The following FBXO36 variants were observed in gnomAD, a reference collection of about 807,000 sequenced individuals.
FBXO36 encodes the protein F-box protein 36.
A neutral mutation model predicts 17.0 loss-of-function variants in FBXO36; 18 were observed. That is an observed-to-expected ratio of 1.06 (90% CI 0.73 to 1.57). FBXO36 has a LOEUF of 1.57. FBXO36 is among the 40% of genes most tolerant of loss of function. The probability of loss-of-function intolerance (pLI) is 0.00; values close to 1 mark genes in which losing one functional copy is unlikely to be tolerated. For synonymous variants in FBXO36, 83 were observed against 85.3 expected, an observed-to-expected ratio of 0.97 and a Z score of 0.15; for missense variants, 229 against 221.9, an observed-to-expected ratio of 1.03 and a Z score of -0.20.
chr2:230,010,683 T>C lies in FBXO36; in HGVS notation c.379-13T>C. 1 of 1,591,372 alleles carries C rather than the reference T, an allele frequency of 6.3e-7. No individual in the cohort carries two copies. The highest frequency in any genetic ancestry group is 8.6e-7 in the Non-Finnish European group (1 of 1,164,100). On this transcript the variant is annotated splice_polypyrimidine_tract_variant and intron_variant, in intron 3 of 3. Coordinates refer to ENST00000283946, the MANE Select transcript of FBXO36 (RefSeq NM_174899.5). ...GTGTGCTGTAACCCACCTCTGACTT[T>C]TCCCACCCACAGCTGTGCATGTCTG... is the stretch of plus-strand genomic sequence containing the variant.
chr2:229,977,102 G>A (rs1446493737), intron 2 of FBXO36: 1 of 151,932 alleles, frequency 6.6e-6, no homozygotes, highest in African/African-American at 2.4e-5. Context: ...TTTCTGACTG[G>A]GTAAAGAGAA....
chr2:229,942,020 G>GA (rs61356327), intron 1 of FBXO36, among the ~76,000 whole-genome samples: 37 of 144,900 alleles, frequency 2.6e-4, no homozygotes, highest in Admixed American at 3.4e-4. Flanking sequence ...AGTCTAAAAA[G>GA]AAAAAAAAAA....
At chr2:229,972,168 A>G (rs953605859) in intron 1 of FBXO36, among the ~76,000 whole-genome samples, 1 of 149,422 alleles carries the variant, frequency 6.7e-6, no homozygotes, top group African/African-American at 2.5e-5. Flanking sequence ...TAATTTTTGT[A>G]TTTTTAGTAG....
At chr2:229,943,795 TTG>T in intron 1 of FBXO36, among the ~76,000 whole-genome samples, 1 of 152,256 alleles carries the variant, frequency 6.6e-6, no homozygotes, top group East Asian at 1.9e-4. Context: ...CAGTGTCTGT[TTG>T]CTGAATGAGA....
chr2:229,936,379 C>G (rs1293833775), intron 1 of FBXO36, among the ~76,000 whole-genome samples: 1 of 152,038 alleles, frequency 6.6e-6, no homozygotes, highest in Non-Finnish European at 1.5e-5. Context: ...CCAGCAGTTT[C>G]CAAACTTTTT....
At chr2:229,995,592 C>CTTTTTTTTTTTTTTTTTTTTTTTTTTTT (rs748422157) in intron 2 of FBXO36, among the ~76,000 whole-genome samples, 3 of 114,552 alleles carry the variant, frequency 2.6e-5, no homozygotes, top group Non-Finnish European at 3.6e-5. Flanking sequence ...CTCTTTCTTT[C>CTTTTTTTTTTTTTTTTTTTTTTTTTTTT]TTTCTTTTTT....
chr2:230,000,355 C>CAAA lies in FBXO36; in HGVS notation c.378+3453_378+3455dup, dbSNP rs3086348. 4.8e-3 allele frequency among the ~76,000 whole-genome samples: 363 copies of CAAA among 76,322 alleles called. 1 individual carries two copies. Among genetic ancestry groups the CAAA allele is most frequent in the Middle Eastern group, 6.9e-3 (1 of 144 alleles). The allele number at this position is 76,322 out of a possible 152,430, so 50.1% of individuals were successfully genotyped here. The stretch of plus-strand genomic sequence containing the variant: ...CCTGGACAACAGAGTGAGACTGTCT[C>CAAA]AAAAAAAAAAAAAAAAAAAAAAAGA... On this transcript the variant is annotated intron_variant, in intron 3 of 3. Transcript: ENST00000283946.
intron 1 of FBXO36, among the ~76,000 whole-genome samples, chr2:229,934,767 G>A (rs570179694): frequency 6.6e-6 from 1 of 152,204 alleles, no homozygotes; most frequent in South Asian, 2.1e-4. Context: ...TGATTCTCGT[G>A]CCTCAGTCTC....
intron 2 of FBXO36, among the ~76,000 whole-genome samples, chr2:229,992,746 C>T (rs1245708582): frequency 6.6e-6 from 1 of 152,160 alleles, no homozygotes; most frequent in African/African-American, 2.4e-5. Flanking sequence ...TTCCAGTGGA[C>T]CAGAAATTTG....
chr2:230,007,978 C>T (rs533930377), intron 3 of FBXO36, among the ~76,000 whole-genome samples: 1 of 152,272 alleles, frequency 6.6e-6, no homozygotes, highest in East Asian at 1.9e-4. Flanking sequence ...ATCTACCCAC[C>T]TCGGCCTCGC....
At chr2:229,924,372 C>T (rs1195507911) in intron 1 of FBXO36, among the ~76,000 whole-genome samples, 1 of 152,222 alleles carries the variant, frequency 6.6e-6, no homozygotes, top group Non-Finnish European at 1.5e-5. Context: ...GGATTATAGA[C>T]TTGAGCCACC....
chr2:229,955,338 AT>A (rs972691320), intron 1 of FBXO36, among the ~76,000 whole-genome samples: 6 of 152,112 alleles, frequency 3.9e-5, no homozygotes, highest in African/African-American at 1.4e-4. Flanking sequence ...AGCCTGGGCA[AT>A]ATGGCAAAAC....
At chr2:229,997,012 A>G in intron 3 of FBXO36, 89 bp downstream of exon 3, 1 of 1,228,372 alleles carries the variant, frequency 8.1e-7, no homozygotes, top group Non-Finnish European at 1.2e-6. Context: ...GTTGAGTACT[A>G]ACTTTGTGAT....
intron 1 of FBXO36, among the ~76,000 whole-genome samples, chr2:229,927,148 C>A (rs2076917154): frequency 6.6e-6 from 1 of 152,210 alleles, no homozygotes; most frequent in Non-Finnish European, 1.5e-5. Context: ...GGGTGAGACA[C>A]CAAACCTGGC....
chr2:229,987,211 CAA>C (rs78504298), intron 2 of FBXO36, among the ~76,000 whole-genome samples: 25 of 90,680 alleles, frequency 2.8e-4, no homozygotes, highest in Admixed American at 1.2e-4. Flanking sequence ...GACTCCATCT[CAA>C]AAAAAAAAAA....
intron 2 of FBXO36, among the ~76,000 whole-genome samples, chr2:229,982,083 G>C (rs2077243424): frequency 6.6e-6 from 1 of 151,836 alleles, no homozygotes; most frequent in African/African-American, 2.4e-5. Flanking sequence ...GAGTGGAGTG[G>C]GGCCATCCTG....
At chr2:229,965,736 G>A (rs913691229) in intron 1 of FBXO36, among the ~76,000 whole-genome samples, 6 of 152,078 alleles carry the variant, frequency 3.9e-5, no homozygotes, top group Non-Finnish European at 8.8e-5. Context: ...AGTATTCTAC[G>A]GTGTATATGT....
chr2:229,951,598 C>G (rs559446066), intron 1 of FBXO36, among the ~76,000 whole-genome samples: 1 of 152,210 alleles, frequency 6.6e-6, no homozygotes, highest in East Asian at 1.9e-4. Context: ...ATGATGCTTA[C>G]TCAGGTAGAC....
intron 1 of FBXO36, among the ~76,000 whole-genome samples, chr2:229,923,392 A>G (rs1248280150): frequency 6.6e-6 from 1 of 152,198 alleles, no homozygotes; most frequent in Non-Finnish European, 1.5e-5. Flanking sequence ...CATTGGGAAG[A>G]CGTTTCTAAT....
Sources: allele counts gnomAD v4.1 joint callset (sites outside exome capture counted in the v4.1 genomes callset), GRCh38; gene constraint gnomAD v4.1.1; transcripts MANE v1.5; gene names NCBI Gene and HGNC (gene_info 2026-07-23, HGNC 2026-07-21).